DLC1: variants seen among roughly 807,000 people sequenced by gnomAD.
DLC1 encodes DLC1 Rho GTPase activating protein.
In DLC1, 54 loss-of-function variants were observed where a neutral mutation model predicts 140.3. The observed-to-expected ratio is 0.38, with a 90% CI of 0.31 to 0.48. The LOEUF is 0.48. Ranked by LOEUF, DLC1 falls within the 20% of genes least tolerant of loss-of-function variation. The probability of loss-of-function intolerance (pLI) is 0.96; values close to 1 mark genes in which losing one functional copy is unlikely to be tolerated. For missense variants in DLC1, 2,536 were observed against 1,907.0 expected, an observed-to-expected ratio of 1.33 and a Z score of -6.14; for synonymous variants, 986 against 728.1, an observed-to-expected ratio of 1.35 and a Z score of -5.70.
At chr8:13,210,703 A>G (rs949248259) in intron 5 of DLC1, among the ~76,000 whole-genome samples, 2 of 152,208 alleles carry the variant, frequency 1.3e-5, no homozygotes, top group African/African-American at 4.8e-5. Flanking sequence ...TGGTAGTTCA[A>G]TAGAACCGCT....
chr8:13,143,262 G>C (rs1823149020), intron 5 of DLC1, among the ~76,000 whole-genome samples: 1 of 151,526 alleles, frequency 6.6e-6, no homozygotes. Flanking sequence ...ATTTCAAATA[G>C]GTGGTATGAT....
chr8:13,553,483 A>G (rs1183374171), intron 1 of DLC1, among the ~76,000 whole-genome samples: 2 of 151,206 alleles, frequency 1.3e-5, no homozygotes, highest in Non-Finnish European at 2.9e-5. Flanking sequence ...TTCTCCAGCT[A>G]TTTTTCCATT....
At chr8:13,566,916 G>T in intron 1 of DLC1, 1 of 1,451,650 alleles carries the variant, frequency 6.9e-7, no homozygotes. Flanking sequence ...TTCCCGGAGG[G>T]GTCAGCTCCT....
intron 4 of DLC1, among the ~76,000 whole-genome samples, chr8:13,380,347 G>A (rs994092931): frequency 6.6e-6 from 1 of 152,136 alleles, no homozygotes; most frequent in African/African-American, 2.4e-5. Context: ...TCCATTGTAA[G>A]TCAATATTCA....
rs60048506 is a variant in DLC1, at chr8:13,297,282, TA to T, written c.1348+7986del. ...CAGGCAAGCAGAGGCCTTCATACAT[TA>T]AAAAAAAAAAAAACTGAAGCAAGTA... On this transcript the variant is annotated intron_variant, in intron 5 of 17. Coordinates refer to ENST00000276297, the MANE Select transcript of DLC1 (RefSeq NM_182643.3). 1.0e-2 allele frequency among the ~76,000 whole-genome samples: 96 copies of T among 9,636 alleles called. 26 individuals are homozygous for T. The highest frequency in any genetic ancestry group is 0.015 in the Non-Finnish European group (84 of 5,556). 6.3% of individuals were successfully genotyped at this position (9,636 alleles called of 152,430 possible).
chr8:13,587,544 T>TACACACAC (rs377724474), intron 1 of DLC1, among the ~76,000 whole-genome samples: 3 of 142,164 alleles, frequency 2.1e-5, no homozygotes, highest in Admixed American at 7.1e-5. Context: ...AATGTGACTA[T>TACACACAC]ACACACACAC....
chr8:13,172,250 A>G (rs28522435), intron 5 of DLC1, among the ~76,000 whole-genome samples: 6,461 of 152,182 alleles, frequency 0.042, 459 homozygotes, highest in African/African-American at 0.15. Context: ...TATATTTTCA[A>G]CCTCACTAAT....
At chr8:13,270,636 C>T (rs1412261392) in intron 5 of DLC1, among the ~76,000 whole-genome samples, 3 of 152,208 alleles carry the variant, frequency 2.0e-5, no homozygotes, top group Non-Finnish European at 4.4e-5. Context: ...TTGGAGTTCA[C>T]AAAGATCAGC....
intron 2 of DLC1, among the ~76,000 whole-genome samples, chr8:13,480,779 C>T (rs991011146): frequency 6.6e-6 from 1 of 152,146 alleles, no homozygotes; most frequent in East Asian, 1.9e-4. Flanking sequence ...GTAGCATTGC[C>T]TGTAGTCCTA....
At chr8:13,555,029 C>CTT (rs1803992049) in intron 1 of DLC1, among the ~76,000 whole-genome samples, 1 of 152,208 alleles carries the variant, frequency 6.6e-6, no homozygotes, top group East Asian at 1.9e-4. Flanking sequence ...TTCTCTCAGT[C>CTT]TTGTAACACT....
At chr8:13,397,899 G>A (rs1270546839) in intron 3 of DLC1, among the ~76,000 whole-genome samples, 3 of 152,084 alleles carry the variant, frequency 2.0e-5, no homozygotes, top group African/African-American at 7.2e-5. Context: ...TCTGGAGGCC[G>A]AGGTGAGCAG....
intron 2 of DLC1, among the ~76,000 whole-genome samples, chr8:13,441,580 G>T (rs1222859494): frequency 1.3e-5 from 2 of 152,040 alleles, no homozygotes; most frequent in Non-Finnish European, 2.9e-5. Flanking sequence ...CAAACAGAGA[G>T]CCAAATCATG....
At chr8:13,377,447 A>G (rs1007335799) in intron 4 of DLC1, among the ~76,000 whole-genome samples, 1 of 152,164 alleles carries the variant, frequency 6.6e-6, no homozygotes, top group South Asian at 2.1e-4. Flanking sequence ...TTATTCAATA[A>G]CGGCTTTTAT....
intron 1 of DLC1, among the ~76,000 whole-genome samples, chr8:13,549,402 A>G (rs932461386): frequency 6.6e-5 from 10 of 152,154 alleles, no homozygotes; most frequent in Non-Finnish European, 8.8e-5. Context: ...GTTGAAAAGT[A>G]TTTCAAAACA....
intron 2 of DLC1, among the ~76,000 whole-genome samples, chr8:13,407,787 T>A (rs2117282133): frequency 6.6e-6 from 1 of 152,298 alleles, no homozygotes; most frequent in African/African-American, 2.4e-5. Context: ...CTGCTAATAC[T>A]CCTCACTCAC....
chr8:13,479,829 G>GAGAAAA (rs1563383401), intron 2 of DLC1, among the ~76,000 whole-genome samples: 4 of 32,944 alleles, frequency 1.2e-4, no homozygotes, highest in African/African-American at 2.9e-4. Context: ...AGAAGAAGAA[G>GAGAAAA]AAGAAGAAGA....
chr8:13,350,746 G>C (rs912053913), intron 4 of DLC1, among the ~76,000 whole-genome samples: 3 of 151,514 alleles, frequency 2.0e-5, no homozygotes, highest in Non-Finnish European at 4.4e-5. Context: ...AATATAAAGA[G>C]AAACACCAGA....
intron 13 of DLC1, among the ~76,000 whole-genome samples, chr8:13,092,151 A>G (rs1384038881): frequency 6.6e-6 from 1 of 152,214 alleles, no homozygotes; most frequent in African/African-American, 2.4e-5. Flanking sequence ...AGGCTGAGGC[A>G]GGAGAATGGC....
chr8:13,494,412 G>A (rs1017287729), intron 2 of DLC1, among the ~76,000 whole-genome samples: 1 of 152,228 alleles, frequency 6.6e-6, no homozygotes, highest in Non-Finnish European at 1.5e-5. Flanking sequence ...TGAAGCCGAC[G>A]ACCTGGGTAC....
Sources: gnomAD v4.1 joint callset for allele counts (sites outside exome capture counted in the v4.1 genomes callset) on GRCh38, gnomAD v4.1.1 for gene constraint, MANE v1.5 for transcripts, NCBI Gene and HGNC (gene_info 2026-07-23, HGNC 2026-07-21) for gene names.